PTPRD: variants seen among roughly 807,000 people sequenced by gnomAD.
PTPRD encodes the protein receptor-type tyrosine-protein phosphatase delta.
A neutral mutation model predicts 214.5 loss-of-function variants in PTPRD; 34 were observed. That is an observed-to-expected ratio of 0.16 (90% CI 0.12 to 0.21). PTPRD has a LOEUF of 0.21. PTPRD is among the 10% of genes least tolerant of loss of function. The pLI, the probability that PTPRD is intolerant of heterozygous loss-of-function variation, is 1.00. For synonymous variants in PTPRD, 1,128 were observed against 845.7 expected (o/e 1.33, Z -5.79); for missense variants, 2,545 against 2,398.7 (o/e 1.06, Z -1.27).
intron 3 of PTPRD, among the ~76,000 whole-genome samples, chr9:10,158,020 T>TTTGTTTGC (rs1335348481): frequency 6.6e-6 from 1 of 152,012 alleles, no homozygotes; most frequent in African/African-American, 2.4e-5. Flanking sequence ...TGTTTGTTTG[T>TTTGTTTGC]TTGTTTTTGA....
intron 39 of PTPRD, among the ~76,000 whole-genome samples, chr9:8,359,275 C>T (rs1025504571): frequency 2.6e-5 from 4 of 151,796 alleles, no homozygotes; most frequent in African/African-American, 9.7e-5. Flanking sequence ...GGCCCCACCC[C>T]AACCTAGAGA....
chr9:9,007,719 T>A (rs2099485051), intron 11 of PTPRD, among the ~76,000 whole-genome samples: 1 of 129,758 alleles, frequency 7.7e-6, no homozygotes, highest in South Asian at 2.6e-4. Flanking sequence ...TGACCTCCTG[T>A]TACTTGGATC....
At chr9:9,087,913 G>C (rs1205535099) in intron 10 of PTPRD, among the ~76,000 whole-genome samples, 1 of 104,360 alleles carries the variant, frequency 9.6e-6, no homozygotes, top group Non-Finnish European at 1.8e-5. Context: ...TTGAGACAGA[G>C]TCTCACTCTG....
At chr9:9,460,634 A>G in intron 8 of PTPRD, among the ~76,000 whole-genome samples, 1 of 152,164 alleles carries the variant, frequency 6.6e-6, no homozygotes, top group Non-Finnish European at 1.5e-5. Context: ...ATACCATCTT[A>G]TACCAAATAG....
chr9:9,379,179 G>A (rs193048100), intron 9 of PTPRD, among the ~76,000 whole-genome samples: 92 of 147,220 alleles, frequency 6.2e-4, no homozygotes, highest in Admixed American at 2.4e-3. Flanking sequence ...TTTGTGAAGG[G>A]CATAGGTCTA....
intron 12 of PTPRD, among the ~76,000 whole-genome samples, chr9:8,646,061 GAA>G (rs777090202): frequency 2.5e-5 from 3 of 118,962 alleles, no homozygotes; most frequent in Middle Eastern, 4.4e-3. Flanking sequence ...AGTCCTAAAA[GAA>G]AAAAAAAAAA....
chr9:10,008,361 G>C (rs185037321), intron 4 of PTPRD, among the ~76,000 whole-genome samples: 1 of 152,028 alleles, frequency 6.6e-6, no homozygotes, highest in Admixed American at 6.6e-5. Flanking sequence ...TTCCTGATGA[G>C]AGACCACCAA....
chr9:9,519,881 C>G (rs780674863), intron 8 of PTPRD, among the ~76,000 whole-genome samples: 2 of 152,000 alleles, frequency 1.3e-5, no homozygotes, highest in Non-Finnish European at 2.9e-5. Context: ...ACAGAAAGGG[C>G]TGGAAAAGCC....
At chr9:9,463,709 G>A (rs2093880875) in intron 8 of PTPRD, among the ~76,000 whole-genome samples, 1 of 151,904 alleles carries the variant, frequency 6.6e-6, no homozygotes, top group Admixed American at 6.6e-5. Flanking sequence ...GTGAAATAGT[G>A]GGCATTGGGC....
intron 2 of PTPRD, among the ~76,000 whole-genome samples, chr9:10,594,444 G>C (rs2076185091): frequency 6.6e-6 from 1 of 152,068 alleles, no homozygotes; most frequent in South Asian, 2.1e-4. Context: ...CAAGCAAGAA[G>C]CTTAATAAAG....
At chr9:10,434,704 C>T (rs1007679053) in intron 2 of PTPRD, among the ~76,000 whole-genome samples, 13 of 151,832 alleles carry the variant, frequency 8.6e-5, no homozygotes, top group African/African-American at 3.1e-4. Flanking sequence ...AAACACTTGC[C>T]CACACTGTTG....
intron 12 of PTPRD, among the ~76,000 whole-genome samples, chr9:8,703,102 C>T (rs565528458): frequency 1.3e-5 from 2 of 152,178 alleles, no homozygotes; most frequent in South Asian, 4.2e-4. Context: ...TGGTCAGATA[C>T]CAAATTATGA....
intron 5 of PTPRD, among the ~76,000 whole-genome samples, chr9:9,810,076 C>CA (rs1438507690): frequency 1.2e-3 from 168 of 142,132 alleles, no homozygotes; most frequent in Non-Finnish European, 2.2e-3. Context: ...ACCTCCTCTT[C>CA]AGGCTACTCA....
At chr9:10,259,234 C>A (rs1319138106) in intron 3 of PTPRD, among the ~76,000 whole-genome samples, 1 of 152,092 alleles carries the variant, frequency 6.6e-6, no homozygotes, top group African/African-American at 2.4e-5. Context: ...CCGTGTTAGT[C>A]AGGATGGTCT....
intron 2 of PTPRD, among the ~76,000 whole-genome samples, chr9:10,598,953 T>G (rs1403124157): frequency 6.6e-6 from 1 of 151,604 alleles, no homozygotes; most frequent in Non-Finnish European, 1.5e-5. Context: ...TCTGTTCCTC[T>G]TACTAATAAC....
intron 8 of PTPRD, among the ~76,000 whole-genome samples, chr9:9,554,664 G>C (rs1305309231): frequency 2.0e-5 from 3 of 151,996 alleles, no homozygotes; most frequent in Admixed American, 2.0e-4. Flanking sequence ...TGACTCATTA[G>C]AATTCAACTC....
chr9:10,179,941 G>T (rs1345783913), intron 3 of PTPRD, among the ~76,000 whole-genome samples: 1 of 151,880 alleles, frequency 6.6e-6, no homozygotes, highest in South Asian at 2.1e-4. Flanking sequence ...TTCATTGAAA[G>T]GAAGTCTTAA....
At chr9:9,907,358 G>T (rs78259091) in intron 5 of PTPRD, among the ~76,000 whole-genome samples, 16,958 of 151,860 alleles carry the variant, frequency 0.11, 2,353 homozygotes, top group African/African-American at 0.33. Context: ...CTGGGTGGCT[G>T]AAGCAATAGA....
In PTPRD at chr9:8,501,063, A is replaced by G; in HGVS notation, c.1823-4T>C. ...TCTTGAGGAGGAGCTGACGGCTCTT[A>G]TTTTGGTAGTGAGTTAAAGGAGGAT... On this transcript the variant is annotated splice_polypyrimidine_tract_variant and splice_region_variant and intron_variant, in intron 23 of 45. Transcript: ENST00000381196. 6.2e-7 allele frequency: 1 copy of G among 1,609,440 alleles called. No homozygotes were observed. Among genetic ancestry groups the G allele is most frequent in the Non-Finnish European group, 8.5e-7 (1 of 1,176,568 alleles).
Sources: allele counts gnomAD v4.1 joint callset (sites outside exome capture counted in the v4.1 genomes callset), GRCh38; gene constraint gnomAD v4.1.1; transcripts MANE v1.5; gene names NCBI Gene and HGNC (gene_info 2026-07-23, HGNC 2026-07-21).